The following BTBD18 variants were observed in gnomAD, a reference collection of about 807,000 sequenced individuals.
BTBD18 encodes BTB domain containing 18, also known as BTB/POZ domain-containing protein 18.
For synonymous variants in BTBD18, 311 were observed against 324.4 expected, an observed-to-expected ratio of 0.96 and a Z score of 0.44; for missense variants, 787 against 846.3, an observed-to-expected ratio of 0.93 and a Z score of 0.87.
intron 2 of BTBD18, among the ~76,000 whole-genome samples, chr11:57,749,864 T>C (rs907527921): frequency 1.3e-5 from 2 of 151,978 alleles, no homozygotes; most frequent in East Asian, 1.9e-4. Flanking sequence ...AATGAAGACA[T>C]TGAGCCCCAG....
rs1949181640 is a variant in BTBD18, at chr11:57,746,048, C to T, written c.225G>A (p.Val75=). Reference sequence around the variant, plus strand: ...TGATCTTCAGGCCACCCAGCTCTAGCACCACCTTCCCACCCTGAGCTGGCC... The same window carrying T: ...TGATCTTCAGGCCACCCAGCTCTAGTACCACCTTCCCACCCTGAGCTGGCC... The part of the protein sequence containing the change: ...RERPAQGGKV[V]LELGGLKIST... Residue 75 remains valine, a synonymous_variant, in exon 3 of 3, where the codon GTG becomes GTA. Coordinates refer to ENST00000422652, the MANE Select transcript of BTBD18 (RefSeq NM_001145101.3). 1 of 1,551,568 alleles carries T rather than the reference C, an allele frequency of 6.4e-7. No homozygotes were observed. The highest frequency in any genetic ancestry group is 1.2e-5 in the South Asian group (1 of 84,070).
chr11:57,748,972 G>T (rs981226484), intron 2 of BTBD18, among the ~76,000 whole-genome samples: 1 of 152,014 alleles, frequency 6.6e-6, no homozygotes, highest in Admixed American at 6.6e-5. Flanking sequence ...GAACAAACCC[G>T]TGGTCACATC....
At chr11:57,752,761 T>C (rs1415599035), upstream of BTBD18, among the ~76,000 whole-genome samples, 2 of 152,350 alleles carry the variant, frequency 1.3e-5, no homozygotes, top group East Asian at 1.9e-4. Flanking sequence ...TGAGCAAAGA[T>C]GCGCAGGTGG....
chr11:57,748,834 G>T (rs1370272275), intron 2 of BTBD18, among the ~76,000 whole-genome samples: 1 of 152,194 alleles, frequency 6.6e-6, no homozygotes, highest in Non-Finnish European at 1.5e-5. Context: ...GCGTAAAACT[G>T]TTCAGTATGT....
At chr11:57,746,805 C>CAG (rs1555026545) in intron 2 of BTBD18, among the ~76,000 whole-genome samples, 1 of 95,530 alleles carries the variant, frequency 1.0e-5, no homozygotes, top group Non-Finnish European at 2.0e-5. Context: ...ACCTTGTCTC[C>CAG]AAAAAAAAAA....
In BTBD18 at chr11:57,751,058, C is replaced by A; in HGVS notation, c.124+7G>T. The A allele has an allele frequency of 6.5e-7, 1 of 1,527,392 alleles. No homozygotes were observed. Among genetic ancestry groups the A allele is most frequent in the East Asian group, 2.5e-5 (1 of 39,594 alleles). The allele number at this position is 1,527,392 out of a possible 1,614,324, so 94.6% of individuals were successfully genotyped here. On this transcript the variant is annotated splice_region_variant and intron_variant, in intron 2 of 2. Transcript: ENST00000422652. ...AGTTTTCAGTTGAATTCCGACCACT[C>A]TCTTACCTTCTGCCTGCAGAAGGAC...
chr11:57,750,187 C>A (rs2135701972), intron 2 of BTBD18, among the ~76,000 whole-genome samples: 1 of 151,768 alleles, frequency 6.6e-6, no homozygotes, highest in African/African-American at 2.4e-5. Context: ...ACCAGTCTGG[C>A]CAACATAGTG....
In BTBD18 at chr11:57,744,769, G is replaced by T. The variant is rs1338460652; in HGVS notation, c.1504C>A (p.Leu502Ile). The T allele has an allele frequency of 6.4e-7, 1 of 1,551,740 alleles. No homozygotes were observed. Among genetic ancestry groups the T allele is most frequent in the Admixed American group, 2.0e-5 (1 of 51,002 alleles). Reference protein sequence around the residue: ...SELEEILDFMLCGSDIEPPIG... With the variant: ...SELEEILDFMICGSDIEPPIG... ...GGTGGTTCAATGTCTGAGCCACAGA[G>T]CATGAAGTCCAGGATCTCCTCCAGC... Residue 502 changes from leucine to isoleucine, a missense_variant, in exon 3 of 3, where the codon CTC becomes ATC. Coordinates refer to ENST00000422652, the MANE Select transcript of BTBD18 (RefSeq NM_001145101.3).
intron 2 of BTBD18, 147 bp from the exon 3 acceptor site, chr11:57,746,295 T>C: frequency 1.5e-6 from 1 of 650,336 alleles, no homozygotes; most frequent in Non-Finnish European, 2.5e-6. Flanking sequence ...TTCTTCTGCC[T>C]GCCTGGAACC....
At chr11:57,746,562 G>A (rs2135692906) in intron 2 of BTBD18, among the ~76,000 whole-genome samples, 1 of 152,168 alleles carries the variant, frequency 6.6e-6, no homozygotes, top group South Asian at 2.1e-4. Context: ...GACCTCAGGT[G>A]ATCCACCCGC....
intron 2 of BTBD18, among the ~76,000 whole-genome samples, chr11:57,750,015 G>A (rs80031121): frequency 0.022 from 3,347 of 152,224 alleles, 113 homozygotes; most frequent in African/African-American, 0.077. Flanking sequence ...GTGAAGTGAA[G>A]GGGTGGAAAT....
chr11:57,749,661 A>T (rs1443194823), intron 2 of BTBD18, among the ~76,000 whole-genome samples: 1 of 150,704 alleles, frequency 6.6e-6, no homozygotes, highest in East Asian at 2.0e-4. Flanking sequence ...GAGGGAGGAG[A>T]ATCGCTTGAA....
intron 2 of BTBD18, among the ~76,000 whole-genome samples, chr11:57,750,332 G>A (rs1023706543): frequency 2.0e-5 from 3 of 152,134 alleles, no homozygotes; most frequent in African/African-American, 4.8e-5. Flanking sequence ...AGCTGAGACC[G>A]TGCCATTGCA....
upstream of BTBD18, among the ~76,000 whole-genome samples, chr11:57,752,682 C>T (rs1344811962): frequency 6.6e-6 from 1 of 152,212 alleles, no homozygotes; most frequent in Non-Finnish European, 1.5e-5. Context: ...CTCCTGTTGC[C>T]TTCTCTGTGC....
At chr11:57,752,103 T>G (rs1044633710), upstream of BTBD18, among the ~76,000 whole-genome samples, 4 of 152,196 alleles carry the variant, frequency 2.6e-5, no homozygotes, top group African/African-American at 9.6e-5. Context: ...ATGTCCAGCT[T>G]TTTAGCTCCG....
chr11:57,744,992 T>C lies in BTBD18; in HGVS notation c.1281A>G (p.Gln427=), dbSNP rs1565242650. ...CQDSPMCTKL[Q]DILVSASHSP... ...AGTGGCTAGCAGAGACCAGAATGTC[T>C]TGTAGCTTAGTGCACATGGGGGAGT... The change falls in exon 3 of 3, where the codon CAA becomes CAG. Residue 427 remains glutamine, a synonymous_variant. Transcript: ENST00000422652. The C allele has an allele frequency of 6.4e-7, 1 of 1,551,692 alleles. No homozygotes were observed. The highest frequency in any genetic ancestry group is 2.0e-5 in the Admixed American group (1 of 51,000).
chr11:57,743,913 G>A lies in BTBD18; in HGVS notation c.*221C>T. The A allele has an allele frequency of 2.1e-6, 1 of 473,148 alleles. No homozygotes were observed. The highest frequency in any genetic ancestry group is 3.8e-6 in the Non-Finnish European group (1 of 266,452). The allele number at this position is 473,148 out of a possible 1,614,324, so 29.3% of individuals were successfully genotyped here. A position where few individuals can be genotyped will look rare whatever the true frequency, so the allele number is the denominator to read the frequency against. On this transcript the variant is annotated 3_prime_UTR_variant, in exon 3 of 3. Transcript: ENST00000422652. ...TTCAGTTGTCACTAACCGGAAAATA[G>A]ATTACAAATAAGATGGTACAAGTTC...
In BTBD18 at chr11:57,744,487, C is replaced by A; in HGVS notation, c.1786G>T (p.Glu596Ter). The A allele has an allele frequency of 6.4e-7, 1 of 1,551,644 alleles. No individual in the cohort carries two copies. Among genetic ancestry groups the A allele is most frequent in the Non-Finnish European group, 8.7e-7 (1 of 1,146,974 alleles). ...SVGGRWTPDL[E>*]ITSSQPLDGQ... ...TCCAGTGGCTGGGAGCTGGTAATTT[C>A]AAGGTCTGGTGTCCAACGGCCTCCT... is the stretch of plus-strand genomic sequence containing the variant. Residue 596 changes from glutamate to a stop codon, truncating the protein, a stop_gained, in exon 3 of 3, where the codon GAA becomes TAA. Transcript: ENST00000422652. LOFTEE classifies it low-confidence loss of function (END_TRUNC).
In BTBD18 at chr11:57,751,148, G is replaced by C. The variant is rs1949298079; in HGVS notation, c.41C>G (p.Pro14Arg). Residue 14 changes from proline (P) to arginine (R), a missense_variant, in exon 2 of 3, where the codon CCC becomes CGC. Transcript: ENST00000422652. ...CAGAAAAGCTAACCTGAGGAACCGG[G>C]GGTTCCTGTATAGGATTTTGGGACT... ...PASPKILYRN[P>R]RFLRLAFLQL... The C allele has an allele frequency of 3.2e-6, 5 of 1,548,990 alleles. No individual in the cohort carries two copies. Among genetic ancestry groups the C allele is most frequent in the Non-Finnish European group, 4.4e-6 (5 of 1,145,350 alleles).
Sources: allele counts gnomAD v4.1 joint callset (sites outside exome capture counted in the v4.1 genomes callset), GRCh38; gene constraint gnomAD v4.1.1; transcripts MANE v1.5; gene names NCBI Gene and HGNC (gene_info 2026-07-23, HGNC 2026-07-21).